CNOT4: variants seen among roughly 807,000 people sequenced by gnomAD.
CNOT4 encodes the protein CCR4-associated factor 4.
CNOT4 carries 8 observed loss-of-function variants against 73.8 expected under a neutral mutation model. The observed-to-expected ratio is 0.11, with a 90% CI of 0.06 to 0.20. CNOT4 has a LOEUF of 0.20. Among genes scored for constraint, CNOT4 ranks in the 10% least tolerant of loss-of-function variants. The probability of loss-of-function intolerance (pLI) is 1.00; values close to 1 mark genes in which losing one functional copy is unlikely to be tolerated. For missense variants in CNOT4, 564 were observed against 883.4 expected (o/e 0.64, Z 4.58); for synonymous variants, 293 against 321.1 (o/e 0.91, Z 0.94).
intron 10 of CNOT4, among the ~76,000 whole-genome samples, chr7:135,379,489 A>G (rs1165523094): frequency 6.6e-6 from 1 of 152,232 alleles, no homozygotes; most frequent in Admixed American, 6.5e-5. Flanking sequence ...TTAACAGTTT[A>G]GAAGGAAAAG....
chr7:135,433,805 A>G (rs931323717), intron 2 of CNOT4, among the ~76,000 whole-genome samples: 1 of 152,150 alleles, frequency 6.6e-6, no homozygotes, highest in Non-Finnish European at 1.5e-5. Flanking sequence ...TGCACCACCT[A>G]TGTTCCCATA....
intron 1 of CNOT4, among the ~76,000 whole-genome samples, chr7:135,455,781 C>T (rs1417816087): frequency 2.0e-5 from 3 of 151,896 alleles, no homozygotes; most frequent in Non-Finnish European, 2.9e-5. Context: ...GGCTGAGGCA[C>T]GAGGTGAACC....
At chr7:135,379,866 C>T (rs111393849) in intron 10 of CNOT4, among the ~76,000 whole-genome samples, 5,294 of 152,186 alleles carry the variant, frequency 0.035, 311 homozygotes, top group African/African-American at 0.12. Flanking sequence ...TTTAGAACAC[C>T]CCACTAAAGT....
chr7:135,502,752 G>A (rs191494047), intron 1 of CNOT4, among the ~76,000 whole-genome samples: 19 of 147,284 alleles, frequency 1.3e-4, no homozygotes, highest in Non-Finnish European at 2.8e-4. Flanking sequence ...GGAGGTGGAG[G>A]TTGCAGTGAG....
At chr7:135,382,297 G>C (rs1294356963) in intron 10 of CNOT4, among the ~76,000 whole-genome samples, 3 of 152,164 alleles carry the variant, frequency 2.0e-5, no homozygotes, top group African/African-American at 4.8e-5. Flanking sequence ...CCCTGACTAA[G>C]AAGTGGAAGG....
At chr7:135,475,458 A>G (rs527769675) in intron 1 of CNOT4, among the ~76,000 whole-genome samples, 1 of 152,196 alleles carries the variant, frequency 6.6e-6, no homozygotes, top group African/African-American at 2.4e-5. Flanking sequence ...GGTTAAAAAA[A>G]TTTTTAATTA....
chr7:135,482,525 C>G (rs990890678), intron 1 of CNOT4, among the ~76,000 whole-genome samples: 2 of 151,928 alleles, frequency 1.3e-5, no homozygotes, highest in Non-Finnish European at 1.5e-5. Context: ...GCACTCTAAC[C>G]TGGCTGACAG....
chr7:135,373,917 G>C (rs1362998485), intron 10 of CNOT4, among the ~76,000 whole-genome samples: 1 of 152,118 alleles, frequency 6.6e-6, no homozygotes, highest in African/African-American at 2.4e-5. Flanking sequence ...AAACAGATTT[G>C]GGGCTTGATG....
chr7:135,408,249 A>G (rs766912384), intron 7 of CNOT4, among the ~76,000 whole-genome samples: 5 of 152,214 alleles, frequency 3.3e-5, no homozygotes, highest in Non-Finnish European at 5.9e-5. Flanking sequence ...ATAACATACA[A>G]TAGCAGAAGG....
At chr7:135,500,722 A>G (rs1321865117) in intron 1 of CNOT4, among the ~76,000 whole-genome samples, 1 of 152,216 alleles carries the variant, frequency 6.6e-6, no homozygotes, top group African/African-American at 2.4e-5. Flanking sequence ...AATTTTCTTT[A>G]GCTCTGATCA....
At chr7:135,395,595 A>G in intron 9 of CNOT4, 39 bp downstream of exon 9, 2 of 1,584,252 alleles carry the variant, frequency 1.3e-6, no homozygotes, top group African/African-American at 2.7e-5. Flanking sequence ...CAATACGTTA[A>G]GAGCATAATT....
chr7:135,459,696 T>C (rs1800756109), intron 1 of CNOT4, among the ~76,000 whole-genome samples: 1 of 152,150 alleles, frequency 6.6e-6, no homozygotes, highest in African/African-American at 2.4e-5. Flanking sequence ...CTAAGGGCCC[T>C]GTGGTTTTCA....
intron 10 of CNOT4, among the ~76,000 whole-genome samples, chr7:135,379,301 G>A (rs1306555592): frequency 3.3e-5 from 5 of 152,080 alleles, no homozygotes; most frequent in South Asian, 2.1e-4. Context: ...AATATGCTTC[G>A]TTTCAATTAA....
At chr7:135,435,840 G>A (rs184994558) in intron 2 of CNOT4, among the ~76,000 whole-genome samples, 4 of 152,276 alleles carry the variant, frequency 2.6e-5, no homozygotes, top group Admixed American at 2.6e-4. Flanking sequence ...AGTTCCTCCA[G>A]AATGTTTCCA....
chr7:135,412,736 A>C (rs889454547), intron 6 of CNOT4, among the ~76,000 whole-genome samples: 1 of 151,924 alleles, frequency 6.6e-6, no homozygotes, highest in Non-Finnish European at 1.5e-5. Context: ...AATGCCCCCC[A>C]CCTTCTAAAT....
At position 135,453,767 on chromosome 7, in the gene CNOT4, CAT is replaced by C. The variant is rs918094894; in HGVS notation, c.-92-15346_-92-15345del. On this transcript the variant is annotated intron_variant, in intron 1 of 11. Coordinates refer to ENST00000541284, the MANE Select transcript of CNOT4 (RefSeq NM_001190850.2). ...TATATTATATATATATAAAATATAA[CAT>C]ATATATGGATACAAAAATATTTTTA... Among the ~76,000 whole-genome samples, 298 of 136,560 alleles carry C rather than the reference CAT, an allele frequency of 2.2e-3. 1 individual carries two copies. Among genetic ancestry groups the C allele is most frequent in the African/African-American group, 7.1e-3 (267 of 37,434 alleles). The allele number at this position is 136,560 out of a possible 152,430, so 89.6% of individuals were successfully genotyped here. A position where few individuals can be genotyped will look rare whatever the true frequency, so the allele number is the denominator to read the frequency against.
intron 10 of CNOT4, among the ~76,000 whole-genome samples, chr7:135,383,585 T>C (rs1795959794): frequency 6.6e-6 from 1 of 152,202 alleles, no homozygotes; most frequent in South Asian, 2.1e-4. Flanking sequence ...CAATTCTCTC[T>C]CACATAGTTT....
At chr7:135,455,446 C>T (rs1199894897) in intron 1 of CNOT4, among the ~76,000 whole-genome samples, 2 of 151,960 alleles carry the variant, frequency 1.3e-5, no homozygotes, top group African/African-American at 2.4e-5. Flanking sequence ...ATTCTATACA[C>T]ATTTAAAAAA....
intron 1 of CNOT4, among the ~76,000 whole-genome samples, chr7:135,449,338 T>C (rs1438663051): frequency 2.0e-5 from 3 of 152,198 alleles, no homozygotes; most frequent in Non-Finnish European, 2.9e-5. Flanking sequence ...ATCTACTTTA[T>C]AACGAAACTG....
Sources: gnomAD v4.1 joint callset for allele counts (sites outside exome capture counted in the v4.1 genomes callset) on GRCh38, gnomAD v4.1.1 for gene constraint, MANE v1.5 for transcripts, NCBI Gene and HGNC (gene_info 2026-07-23, HGNC 2026-07-21) for gene names.